PRXL2A: variants seen among roughly 807,000 people sequenced by gnomAD.
PRXL2A encodes peroxiredoxin-like 2A.
Under a neutral mutation model 25.6 loss-of-function variants are expected in PRXL2A, and 26 were observed. The ratio of observed to expected loss-of-function variants is 1.02; its 90% CI spans 0.74 to 1.41. The LOEUF (loss-of-function observed/expected upper bound fraction) is 1.41. Among genes scored for constraint, PRXL2A ranks in the 40% most tolerant of loss-of-function variants. The pLI, the probability that PRXL2A is intolerant of heterozygous loss-of-function variation, is 0.00. For missense variants in PRXL2A, 246 were observed against 273.9 expected, an observed-to-expected ratio of 0.90 and a Z score of 0.72; for synonymous variants, 98 against 102.9, an observed-to-expected ratio of 0.95 and a Z score of 0.29.
intron 1 of PRXL2A, chr10:80,409,151 T>G: frequency 1.1e-6 from 1 of 886,582 alleles, no homozygotes; most frequent in Non-Finnish European, 1.4e-6. Context: ...CTAGCGTTGT[T>G]CAGCGTTTCG....
At chr10:80,414,157 G>A (rs879886000) in intron 1 of PRXL2A, among the ~76,000 whole-genome samples, 11 of 152,194 alleles carry the variant, frequency 7.2e-5, no homozygotes, top group Admixed American at 2.0e-4. Context: ...TAGGGAGCCC[G>A]ACTGGGTCTC....
rs757826210 is a variant in PRXL2A at position 80,420,657 on chromosome 10, C to T, written c.178+12C>T. 1.3e-6 allele frequency: 2 copies of T among 1,564,066 alleles called. No individual in the cohort carries two copies. Among genetic ancestry groups the T allele is most frequent in the South Asian group, 1.2e-5 (1 of 84,122 alleles). On this transcript the variant is annotated intron_variant, in intron 2 of 5. Coordinates refer to ENST00000606162, the MANE Select transcript of PRXL2A (RefSeq NM_032333.5). ...AACACTGGAGAAGGGTAAGTGGTGA[C>T]CCTTCAGGTCTCAGTACTTTTCCAA...
chr10:80,419,312 C>CTT (rs71482779), intron 1 of PRXL2A, among the ~76,000 whole-genome samples: 2 of 83,840 alleles, frequency 2.4e-5, no homozygotes, highest in Non-Finnish European at 4.9e-5. Context: ...TTTTTTTTTT[C>CTT]TTTTTTTTTT....
intron 1 of PRXL2A, among the ~76,000 whole-genome samples, chr10:80,413,562 G>A (rs1161185615): frequency 2.6e-5 from 4 of 152,218 alleles, no homozygotes; most frequent in Admixed American, 2.0e-4. Context: ...AGTCTGCACC[G>A]GATAGCAGAG....
In PRXL2A at chr10:80,422,394, A is replaced by G. The variant is rs1425275537; in HGVS notation, c.179-23A>G. 3.1e-6 allele frequency: 5 copies of G among 1,595,030 alleles called. No individual in the cohort carries two copies. In the African/African-American group the frequency reaches 4.0e-5, roughly 13 times the overall value. On this transcript the variant is annotated intron_variant, in intron 2 of 5. Transcript: ENST00000606162. ...GGGGCTGGGCTGGGAGGAGATATCGAATTTCTTTTTTTCCTCTCTTAGAAC... is the reference window on the plus strand; with the variant it reads ...GGGGCTGGGCTGGGAGGAGATATCGGATTTCTTTTTTTCCTCTCTTAGAAC...
At chr10:80,413,123 G>GT (rs1844528694) in intron 1 of PRXL2A, among the ~76,000 whole-genome samples, 1 of 151,416 alleles carries the variant, frequency 6.6e-6, no homozygotes, top group Admixed American at 6.6e-5. Flanking sequence ...GTGAACCCCT[G>GT]TCCCCCACTG....
intron 1 of PRXL2A, among the ~76,000 whole-genome samples, chr10:80,413,292 T>C (rs1446679521): frequency 1.3e-5 from 2 of 151,806 alleles, no homozygotes; most frequent in African/African-American, 4.8e-5. Context: ...AACAAAGTGG[T>C]GGGAGAAGTG....
At chr10:80,416,145 C>T (rs1278368552) in intron 1 of PRXL2A, among the ~76,000 whole-genome samples, 1 of 152,204 alleles carries the variant, frequency 6.6e-6, no homozygotes, top group Admixed American at 6.5e-5. Flanking sequence ...CCTAATTGTT[C>T]TGTGAACTGT....
chr10:80,435,285 C>G lies in PRXL2A; in HGVS notation c.*3186C>G, dbSNP rs563852854. ...AACAAATGGTAAATTCTTTTGGCAG[C>G]CTTGAGCTTCCCCAGGCAGGGACCC... is the stretch of plus-strand genomic sequence containing the variant. On this transcript the variant is annotated 3_prime_UTR_variant, in exon 6 of 6. Coordinates refer to ENST00000606162, the MANE Select transcript of PRXL2A (RefSeq NM_032333.5). The G allele has an allele frequency of 6.6e-6, 1 of 152,288 alleles. No individual in the cohort carries two copies. The highest frequency in any genetic ancestry group is 2.4e-5 in the African/African-American group (1 of 41,556). The allele number at this position is 152,288 out of a possible 1,614,324, so 9.4% of individuals were successfully genotyped here.
At chr10:80,430,353 T>C (rs1367070065) in intron 5 of PRXL2A, among the ~76,000 whole-genome samples, 1 of 152,140 alleles carries the variant, frequency 6.6e-6, no homozygotes, top group Non-Finnish European at 1.5e-5. Flanking sequence ...CTATCCACAT[T>C]GGTCTCCCAA....
At chr10:80,409,597 C>G (rs992038635) in intron 1 of PRXL2A, among the ~76,000 whole-genome samples, 3 of 152,130 alleles carry the variant, frequency 2.0e-5, no homozygotes, top group African/African-American at 7.2e-5. Flanking sequence ...AAAAAGTCAG[C>G]TTGAATAGTC....
chr10:80,417,615 A>G (rs752470505), intron 1 of PRXL2A, among the ~76,000 whole-genome samples: 12 of 152,218 alleles, frequency 7.9e-5, no homozygotes, highest in Middle Eastern at 6.8e-3. Flanking sequence ...CCCTTCCCCA[A>G]CACACACAGG....
chr10:80,426,891 C>G (rs557612430), intron 4 of PRXL2A, among the ~76,000 whole-genome samples: 11 of 152,208 alleles, frequency 7.2e-5, no homozygotes, highest in Middle Eastern at 3.4e-3. Context: ...TGCCTGTAAT[C>G]TCAGCACTTT....
intron 5 of PRXL2A, among the ~76,000 whole-genome samples, 160 bp from the exon 6 acceptor site, chr10:80,431,826 C>G (rs897137048): frequency 4.6e-5 from 7 of 152,154 alleles, no homozygotes; most frequent in African/African-American, 1.7e-4. Context: ...TCTATCTTCC[C>G]TCAAAGACTG....
intron 4 of PRXL2A, 123 bp from the exon 5 acceptor site, chr10:80,427,209 G>T: frequency 4.2e-6 from 3 of 705,908 alleles, no homozygotes; most frequent in Non-Finnish European, 4.8e-6. Flanking sequence ...TGGGAGAGAA[G>T]ACTGGAACCA....
At chr10:80,412,168 A>T (rs1358928723) in intron 1 of PRXL2A, among the ~76,000 whole-genome samples, 3 of 152,106 alleles carry the variant, frequency 2.0e-5, no homozygotes, top group Non-Finnish European at 4.4e-5. Context: ...AGCTAAGACA[A>T]CCTCATAGAA....
In PRXL2A at chr10:80,432,409, G is replaced by A. The variant is rs1029161381; in HGVS notation, c.*310G>A. The A allele has an allele frequency of 4.5e-6, 1 of 224,642 alleles. No homozygotes were observed. Among genetic ancestry groups the A allele is most frequent in the Non-Finnish European group, 8.6e-6 (1 of 116,764 alleles). 13.9% of individuals were successfully genotyped at this position (224,642 alleles called of 1,614,324 possible). The stretch of plus-strand genomic sequence containing the variant: ...TAATCCCAGCACTTTGGGAGGCCAA[G>A]GTGAGCAAGTCACTTGAGGTCGGGA... On this transcript the variant is annotated 3_prime_UTR_variant, in exon 6 of 6. Transcript: ENST00000606162.
intron 1 of PRXL2A, 36 bp from the exon 2 acceptor site, chr10:80,420,430 A>G (rs778736990): frequency 1.3e-6 from 2 of 1,521,810 alleles, no homozygotes; most frequent in Non-Finnish European, 8.8e-7. Context: ...ACCCTGTGGG[A>G]GCAGTAACGC....
In PRXL2A at chr10:80,427,508, G is replaced by T; in HGVS notation, c.576+12G>T. 6.2e-7 allele frequency: 1 copy of T among 1,613,746 alleles called. No homozygotes were observed. Among genetic ancestry groups the T allele is most frequent in the Non-Finnish European group, 8.5e-7 (1 of 1,179,808 alleles). ...GATCAGGAAAGCAGGTGAGTTCTTGGTGTTTACTTGTGGTCTGTAGGTGTC... is the reference window on the plus strand; with the variant it reads ...GATCAGGAAAGCAGGTGAGTTCTTGTTGTTTACTTGTGGTCTGTAGGTGTC... On this transcript the variant is annotated intron_variant, in intron 5 of 5. Coordinates refer to ENST00000606162, the MANE Select transcript of PRXL2A (RefSeq NM_032333.5).
Sources: allele counts gnomAD v4.1 joint callset (sites outside exome capture counted in the v4.1 genomes callset), GRCh38; gene constraint gnomAD v4.1.1; transcripts MANE v1.5; gene names NCBI Gene and HGNC (gene_info 2026-07-23, HGNC 2026-07-21).